ELAVL4: variants seen among roughly 807,000 people sequenced by gnomAD.
ELAVL4 encodes the protein ELAV like RNA binding protein 4, also known as ELAV-like protein 4.
In ELAVL4, 1 loss-of-function variant was observed where a neutral mutation model predicts 35.6. The observed-to-expected ratio is 0.03, with a 90% CI of 0.01 to 0.13. The LOEUF (loss-of-function observed/expected upper bound fraction) is 0.13, where lower values mean the gene tolerates loss of function less well. Ranked by LOEUF, ELAVL4 falls within the 10% of genes least tolerant of loss-of-function variation. The pLI is 1.00. For missense variants in ELAVL4, 267 were observed against 464.9 expected, an observed-to-expected ratio of 0.57 and a Z score of 3.91; for synonymous variants, 156 against 171.0, an observed-to-expected ratio of 0.91 and a Z score of 0.69.
intron 2 of ELAVL4, among the ~76,000 whole-genome samples, chr1:50,152,883 AT>A (rs1410755310): frequency 6.6e-6 from 1 of 152,208 alleles, no homozygotes. Flanking sequence ...TTTGTAAAAC[AT>A]TTTCAATCAA....
At chr1:50,096,677 T>G (rs1316750727) in intron 1 of ELAVL4, among the ~76,000 whole-genome samples, 1 of 152,110 alleles carries the variant, frequency 6.6e-6, no homozygotes, top group African/African-American at 2.4e-5. Context: ...CAATTTCATG[T>G]TTCAACCTAA....
At chr1:50,198,469 C>T (rs1454522642) in intron 6 of ELAVL4, among the ~76,000 whole-genome samples, 1 of 152,168 alleles carries the variant, frequency 6.6e-6, no homozygotes, top group East Asian at 1.9e-4. Flanking sequence ...ATGGTAAGTA[C>T]CCTGACTCTG....
intron 1 of ELAVL4, among the ~76,000 whole-genome samples, chr1:50,126,607 C>T (rs1165031657): frequency 1.3e-5 from 2 of 151,968 alleles, no homozygotes; most frequent in Non-Finnish European, 2.9e-5. Context: ...TATCTCCTGT[C>T]TCCATTGTGT....
chr1:50,194,225 C>G (rs1024360110), intron 4 of ELAVL4, among the ~76,000 whole-genome samples: 3 of 152,104 alleles, frequency 2.0e-5, no homozygotes, highest in Admixed American at 6.6e-5. Flanking sequence ...CTGATTCAGC[C>G]CTCAACCAAA....
At chr1:50,112,205 C>T (rs1234097587) in intron 1 of ELAVL4, among the ~76,000 whole-genome samples, 6 of 151,978 alleles carry the variant, frequency 3.9e-5, no homozygotes, top group East Asian at 3.9e-4. Context: ...TTGAAACTTG[C>T]GGCCATATGT....
chr1:50,075,097 G>C (rs1664700872), intron 1 of ELAVL4, among the ~76,000 whole-genome samples: 1 of 152,192 alleles, frequency 6.6e-6, no homozygotes, highest in South Asian at 2.1e-4. Context: ...GGAATAACAA[G>C]GAAGTGAGTA....
intron 2 of ELAVL4, among the ~76,000 whole-genome samples, chr1:50,173,969 T>C (rs1210918969): frequency 6.6e-6 from 1 of 152,202 alleles, no homozygotes; most frequent in Non-Finnish European, 1.5e-5. Context: ...ATAGAAAAAG[T>C]GTTGCTATTT....
chr1:50,090,429 C>T (rs1665440049), intron 1 of ELAVL4, among the ~76,000 whole-genome samples: 1 of 152,022 alleles, frequency 6.6e-6, no homozygotes, highest in Non-Finnish European at 1.5e-5. Flanking sequence ...GATGTAGTAA[C>T]TTTCAAGACA....
At chr1:50,109,239 G>A in intron 1 of ELAVL4, 41 bp downstream of exon 1, 2 of 1,602,494 alleles carry the variant, frequency 1.2e-6, no homozygotes, top group Non-Finnish European at 1.7e-6. Context: ...TTGTGTTGCT[G>A]GAGGGAAGAA....
At chr1:50,094,966 A>C (rs1467495825) in intron 1 of ELAVL4, among the ~76,000 whole-genome samples, 4 of 152,022 alleles carry the variant, frequency 2.6e-5, no homozygotes, top group African/African-American at 9.7e-5. Context: ...AATTATTCGG[A>C]GGAAGATTAA....
In ELAVL4 at chr1:50,079,874, G is replaced by A. The variant is rs556894585; in HGVS notation, c.18+31692G>A. On this transcript the variant is annotated intron_variant, in intron 1 of 6. Transcript: ENST00000448907. ...AGAGCAGCTTCTCAATAAAACTCAT[G>A]CAGTTAGTATACACCCTTGTTTTAT... 2.3e-4 allele frequency among the ~76,000 whole-genome samples: 35 copies of A among 152,288 alleles called. 1 individual carries two copies. Among genetic ancestry groups the A allele is most frequent in the African/African-American group, 8.4e-4 (35 of 41,564 alleles).
chr1:50,139,063 A>C (rs528704181), intron 1 of ELAVL4, among the ~76,000 whole-genome samples: 1 of 152,342 alleles, frequency 6.6e-6, no homozygotes, highest in East Asian at 1.9e-4. Flanking sequence ...TATGCCTGGC[A>C]TATAATAGGT....
chr1:50,177,125 A>T lies in ELAVL4; in HGVS notation c.287A>T (p.Asp96Val). 2.5e-6 allele frequency: 4 copies of T among 1,613,968 alleles called. No individual in the cohort carries two copies. Among genetic ancestry groups the T allele is most frequent in the Non-Finnish European group, 3.4e-6 (4 of 1,179,962 alleles). The change falls in exon 3 of 7, where the codon GAT (aspartate) becomes GTT (valine). Residue 96 changes from aspartate (D) to valine (V), a missense_variant. Asp to Val is a radical substitution (Grantham distance 152). Around this residue, in one of 2 missense-constraint regions of ELAVL4, gnomAD observed 216 missense variants for 409.5 expected, o/e 0.53. Transcript: ENST00000371824. Reference protein sequence around the residue: ...SLGYGFVNYIDPKDAEKAINT... With the variant: ...SLGYGFVNYIVPKDAEKAINT... ...GGGTATGGATTTGTTAACTATATTG[A>T]TCCAAAGGATGCAGAGAAAGCCATC...
chr1:50,056,425 T>A (rs539492655), intron 1 of ELAVL4, among the ~76,000 whole-genome samples: 133 of 152,270 alleles, frequency 8.7e-4, no homozygotes, highest in African/African-American at 3.1e-3. Flanking sequence ...GCTGAAAAAC[T>A]CCCATTGCTT....
At chr1:50,145,764 T>C (rs2148693533) in intron 2 of ELAVL4, among the ~76,000 whole-genome samples, 1 of 152,320 alleles carries the variant, frequency 6.6e-6, no homozygotes, top group South Asian at 2.1e-4. Context: ...GGTATTTTGT[T>C]TTATTTTATC....
intron 1 of ELAVL4, among the ~76,000 whole-genome samples, chr1:50,058,832 G>A (rs1222141301): frequency 6.6e-6 from 1 of 151,862 alleles, no homozygotes; most frequent in African/African-American, 2.4e-5. Flanking sequence ...TCAAACTCCT[G>A]GGCTCAAGCA....
intron 2 of ELAVL4, among the ~76,000 whole-genome samples, chr1:50,149,282 C>A (rs990507454): frequency 1.3e-5 from 2 of 151,592 alleles, no homozygotes; most frequent in Non-Finnish European, 2.9e-5. Context: ...CCTGTAATCC[C>A]AGCTACTCGG....
chr1:50,075,085 A>G (rs991102324), intron 1 of ELAVL4, among the ~76,000 whole-genome samples: 5 of 152,222 alleles, frequency 3.3e-5, no homozygotes, highest in Non-Finnish European at 5.9e-5. Context: ...CAGAGACATA[A>G]TGGAATAACA....
intron 1 of ELAVL4, among the ~76,000 whole-genome samples, chr1:50,135,113 T>C (rs1557758275): frequency 6.6e-6 from 1 of 152,172 alleles, no homozygotes; most frequent in Non-Finnish European, 1.5e-5. Context: ...CTGCTGATTT[T>C]TTAAAAGCCC....
Sources: gnomAD v4.1 joint callset for allele counts (sites outside exome capture counted in the v4.1 genomes callset) on GRCh38, gnomAD v4.1.1 for gene constraint, gnomAD v4.1.1 regional missense constraint, MANE v1.5 for transcripts, NCBI Gene and HGNC (gene_info 2026-07-23, HGNC 2026-07-21) for gene names.